LTN1: variants seen among roughly 807,000 people sequenced by gnomAD.
LTN1 encodes the protein E3 ubiquitin-protein ligase listerin.
In LTN1, 88 loss-of-function variants were observed where a neutral mutation model predicts 201.2. The ratio of observed to expected loss-of-function variants is 0.44; its 90% CI spans 0.37 to 0.52. The LOEUF is 0.52. Among genes scored for constraint, LTN1 ranks in the 20% least tolerant of loss-of-function variants. The pLI is 0.00. For missense variants in LTN1, 1,752 were observed against 2,038.7 expected (o/e 0.86, Z 2.71); for synonymous variants, 645 against 713.5 (o/e 0.90, Z 1.53).
chr21:28,950,472 A>G (rs1019471508), intron 18 of LTN1, among the ~76,000 whole-genome samples: 3 of 152,212 alleles, frequency 2.0e-5, no homozygotes, highest in African/African-American at 7.2e-5. Flanking sequence ...TAAAAAAGCT[A>G]ATGTCAAAAA....
At chr21:28,948,350 A>C (rs796694920) in intron 18 of LTN1, among the ~76,000 whole-genome samples, 4 of 141,792 alleles carry the variant, frequency 2.8e-5, no homozygotes, top group Admixed American at 7.1e-5. Flanking sequence ...GCTCATTGCA[A>C]CCTCTGCCTC....
chr21:28,936,441 T>TGGG, intron 26 of LTN1, 85 bp downstream of exon 26: 1 of 1,128,902 alleles, frequency 8.9e-7, no homozygotes, highest in African/African-American at 1.5e-5. Flanking sequence ...TTTGGGGTTA[T>TGGG]TCTCCACATT....
At chr21:28,984,063 G>A (rs550790448) in intron 4 of LTN1, among the ~76,000 whole-genome samples, 7 of 152,182 alleles carry the variant, frequency 4.6e-5, no homozygotes, top group African/African-American at 1.7e-4. Context: ...GTATAAATTT[G>A]TTTGGCCTTT....
At chr21:28,992,472 A>G (rs2084754812) in intron 1 of LTN1, among the ~76,000 whole-genome samples, 1 of 152,184 alleles carries the variant, frequency 6.6e-6, no homozygotes, top group Non-Finnish European at 1.5e-5. Flanking sequence ...TACCTCGGCC[A>G]GATCACCTTC....
Position 28,984,874 on chromosome 21 carries a change from G to A in LTN1, c.394C>T (p.Leu132Phe), listed in dbSNP as rs780383942. 2 of 1,614,024 alleles carry A rather than the reference G, an allele frequency of 1.2e-6. No homozygotes were observed. The highest frequency in any genetic ancestry group is 1.7e-6 in the Non-Finnish European group (2 of 1,179,988). The change falls in exon 4 of 30, where the codon CTT becomes TTT. Residue 132 changes from leucine to phenylalanine, a missense_variant. By Grantham distance (22) the Leu-to-Phe change is conservative. Coordinates refer to ENST00000361371, the MANE Select transcript of LTN1 (RefSeq NM_015565.3). Reference protein sequence around the residue: ...REATQQAFEKLILKVKKQLAP... With the variant: ...REATQQAFEKFILKVKKQLAP... ...AACTGTTTCTTTACTTTAAGGATAA[G>A]TTTTTCAAAAGCTTGTTGTGTGGCT...
intron 11 of LTN1, 88 bp downstream of exon 11, chr21:28,965,777 C>A: frequency 1.4e-6 from 1 of 711,028 alleles, no homozygotes; most frequent in South Asian, 1.8e-5. Context: ...ACTATCTGAC[C>A]ATATTTATTG....
rs2084458099 is a variant in LTN1, at chr21:28,959,620, A to G, written c.2431T>C (p.Ser811Pro). Reference sequence around the variant, plus strand: ...GATGAGTCACTGCTTTCAGCTTCTGATAATTTCTTTGTTTTGAATAAAGTT... The same window carrying G: ...GATGAGTCACTGCTTTCAGCTTCTGGTAATTTCTTTGTTTTGAATAAAGTT... ...HETLFKTKKL[S>P]EAESSDSSVS... Residue 811 changes from serine to proline, a missense_variant, in exon 13 of 30, where the codon TCA (serine) becomes CCA (proline). Physicochemically the swap from Ser to Pro is moderately conservative, Grantham distance 74. This residue lies in a region of LTN1 where 1,211 missense variants were observed against 1,312.8 expected (regional missense o/e 0.92). Coordinates refer to ENST00000361371, the MANE Select transcript of LTN1 (RefSeq NM_015565.3). The G allele has an allele frequency of 1.9e-6, 3 of 1,614,010 alleles. No homozygotes were observed. The highest frequency in any genetic ancestry group is 2.5e-6 in the Non-Finnish European group (3 of 1,179,934).
At chr21:28,930,727 A>G (rs532112613) in intron 29 of LTN1, among the ~76,000 whole-genome samples, 2 of 152,352 alleles carry the variant, frequency 1.3e-5, no homozygotes, top group East Asian at 3.9e-4. Context: ...GCTCATGCAC[A>G]CAATCACTAA....
At chr21:28,933,280 CCTA>C (rs1328135594) in intron 27 of LTN1, among the ~76,000 whole-genome samples, 1 of 152,128 alleles carries the variant, frequency 6.6e-6, no homozygotes, top group Non-Finnish European at 1.5e-5. Flanking sequence ...CTCTCACATC[CCTA>C]CTTTTATATT....
chr21:28,947,203 T>A (rs1292511635), intron 19 of LTN1, among the ~76,000 whole-genome samples: 1 of 152,172 alleles, frequency 6.6e-6, no homozygotes, highest in Non-Finnish European at 1.5e-5. Context: ...TAGGGAGAAA[T>A]GAGGCACAGC....
At chr21:28,940,156 A>C (rs2084286027) in intron 25 of LTN1, among the ~76,000 whole-genome samples, 1 of 152,228 alleles carries the variant, frequency 6.6e-6, no homozygotes, top group Admixed American at 6.5e-5. Flanking sequence ...AGGCTAATTC[A>C]ATCAAAGATT....
intron 6 of LTN1, among the ~76,000 whole-genome samples, chr21:28,974,902 A>G (rs867934639): frequency 1.1e-4 from 16 of 152,306 alleles, no homozygotes; most frequent in Middle Eastern, 3.4e-3. Flanking sequence ...AGCTAAAACA[A>G]GAAATGAACT....
rs1478843959 is a variant in LTN1 at position 28,984,964 on chromosome 21, T to C, written c.346-42A>G. 2.1e-6 allele frequency: 3 copies of C among 1,440,310 alleles called. No homozygotes were observed. In the Admixed American group the frequency reaches 5.8e-5, roughly 28 times the overall value. The allele number at this position is 1,440,310 out of a possible 1,614,324, so 89.2% of individuals were successfully genotyped here. On this transcript the variant is annotated intron_variant, in intron 3 of 29. Coordinates refer to ENST00000361371, the MANE Select transcript of LTN1 (RefSeq NM_015565.3). ...TGTGATTTAAAATAGCTCTAGCCCA[T>C]AAAAACAATCACAGACATTTCCGGA...
chr21:28,992,632 G>C (rs1021428540), intron 1 of LTN1, 132 bp downstream of exon 1: 15 of 927,316 alleles, frequency 1.6e-5, no homozygotes, highest in African/African-American at 3.3e-5. Flanking sequence ...ACACACAACA[G>C]AGAGGTCACA....
Position 28,981,238 on chromosome 21 carries a change from C to A in LTN1, c.691G>T (p.Ala231Ser). Residue 231 changes from alanine to serine, a missense_variant, in exon 6 of 30, where the codon GCA (alanine) becomes TCA (serine). By Grantham distance (99) the Ala-to-Ser change is moderately conservative. Around this residue, in one of 3 missense-constraint regions of LTN1, gnomAD observed 280 missense variants for 375.7 expected, o/e 0.75. Transcript: ENST00000361371. ...AAAAGGCAAAGTAATCTCTTTAATG[C>A]CAATAAGGAACAAGTTACAACCCGG... ...FYRVVTCSLL[A>S]LKRLLCLLPD... The A allele has an allele frequency of 6.3e-7, 1 of 1,595,342 alleles. No individual in the cohort carries two copies. The highest frequency in any genetic ancestry group is 2.3e-5 in the East Asian group (1 of 43,992).
Position 28,930,423 on chromosome 21 carries a change from G to C in LTN1, c.*25C>G. On this transcript the variant is annotated 3_prime_UTR_variant, in exon 30 of 30. Transcript: ENST00000361371. ...CAATGCCTTTGTTTGATGTACTTCA[G>C]GGATCCCTTCCAGTGAAAAAAATCT... 6.3e-7 allele frequency: 1 copy of C among 1,583,476 alleles called. No individual in the cohort carries two copies. Among genetic ancestry groups the C allele is most frequent in the Non-Finnish European group, 8.7e-7 (1 of 1,153,976 alleles).
chr21:28,945,714 A>G, intron 21 of LTN1, 93 bp downstream of exon 21: 3 of 1,163,494 alleles, frequency 2.6e-6, no homozygotes, highest in Non-Finnish European at 1.2e-6. Context: ...ACCAATTACA[A>G]TCATCACTTA....
At chr21:28,948,993 CA>C (rs1423607551) in intron 18 of LTN1, among the ~76,000 whole-genome samples, 1 of 152,210 alleles carries the variant, frequency 6.6e-6, no homozygotes, top group African/African-American at 2.4e-5. Flanking sequence ...CTTATACTTT[CA>C]CCAAATATGC....
At chr21:28,977,772 A>G (rs2084627685) in intron 6 of LTN1, among the ~76,000 whole-genome samples, 1 of 152,024 alleles carries the variant, frequency 6.6e-6, no homozygotes, top group Non-Finnish European at 1.5e-5. Context: ...ACTAAAAAAT[A>G]CAAAAATTAG....
Sources: allele counts gnomAD v4.1 joint callset (sites outside exome capture counted in the v4.1 genomes callset), GRCh38; gene constraint gnomAD v4.1.1; regional missense constraint gnomAD v4.1.1; transcripts MANE v1.5; gene names NCBI Gene and HGNC (gene_info 2026-07-23, HGNC 2026-07-21).